SETX: variants seen among roughly 807,000 people sequenced by gnomAD.
SETX encodes senataxin.
In SETX, 90 loss-of-function variants were observed where a neutral mutation model predicts 227.2. That is an observed-to-expected ratio of 0.40 (90% CI 0.33 to 0.47). The LOEUF is 0.47. Ranked by LOEUF, SETX falls within the 20% of genes least tolerant of loss-of-function variation. The pLI is 0.91. For synonymous variants in SETX, 1,210 were observed against 1,113.2 expected (o/e 1.09, Z -1.73); for missense variants, 3,052 against 3,181.5 (o/e 0.96, Z 0.98).
rs113997459 is a variant in SETX, at chr9:132,329,630, T to C, written c.1968A>G (p.Val656=). The C allele has an allele frequency of 1.1e-3, 1,810 of 1,613,834 alleles. 16 individuals carry two copies. The African/African-American group carries it at 0.021, about 19-fold the overall frequency. Residue 656 remains valine (V), a synonymous_variant, in exon 10 of 26, where the codon GTA becomes GTG. Coordinates refer to ENST00000224140, the MANE Select transcript of SETX (RefSeq NM_015046.7). ...SKEPMKVQDS[V]LIKADNTIEG... is the part of the protein sequence containing the mutation. ...CTATAGTGTTATCTGCTTTGATCAA[T>C]ACACTGTCTTGCACTTTCATTGGTT...
intron 10 of SETX, among the ~76,000 whole-genome samples, chr9:132,324,045 C>CT: frequency 6.6e-6 from 1 of 152,244 alleles, no homozygotes; most frequent in South Asian, 2.1e-4. Context: ...ATTTTAAACT[C>CT]TGTATATGTA....
intron 12 of SETX, 136 bp downstream of exon 12, chr9:132,300,494 A>G: frequency 1.1e-6 from 1 of 875,542 alleles, no homozygotes; most frequent in Non-Finnish European, 1.9e-6. Flanking sequence ...GAGACTCTGA[A>G]TGGCCATGTA....
intron 3 of SETX, 98 bp from the exon 4 acceptor site, chr9:132,346,569 T>C: frequency 3.6e-6 from 3 of 836,832 alleles, no homozygotes; most frequent in Non-Finnish European, 5.8e-6. Context: ...AGTACAAAAA[T>C]TCTGAAATGT....
chr9:132,335,178 C>G (rs1380191916), intron 6 of SETX, among the ~76,000 whole-genome samples: 1 of 151,870 alleles, frequency 6.6e-6, no homozygotes, highest in East Asian at 2.0e-4. Flanking sequence ...ATCACAAAGT[C>G]AGGAGATCGA....
At chr9:132,269,827 C>A in intron 24 of SETX, 125 bp from the exon 25 acceptor site, 1 of 954,952 alleles carries the variant, frequency 1.0e-6, no homozygotes, top group Non-Finnish European at 1.7e-6. Context: ...TTGAATGACT[C>A]AGTGAGCCCG....
At chr9:132,342,590 C>T (rs1589774711) in intron 5 of SETX, 100 bp downstream of exon 5, 1 of 957,292 alleles carries the variant, frequency 1.0e-6, no homozygotes, top group East Asian at 2.4e-5. Context: ...AAAATTTTAG[C>T]AAACATTTTA....
chr9:132,335,390 CAAAAAAAAAAA>C (rs1157691529), intron 6 of SETX, among the ~76,000 whole-genome samples: 1 of 51,992 alleles, frequency 1.9e-5, no homozygotes, highest in Non-Finnish European at 3.2e-5. Flanking sequence ...GACTCCGTCT[CAAAAAAAAAAA>C]AAAAAAAAAA....
In SETX at chr9:132,296,765, TAAAA is replaced by T. The variant is rs1465985294; in HGVS notation, c.5949+118_5949+121del. The T allele has an allele frequency of 4.3e-6, 4 of 928,124 alleles. No individual in the cohort carries two copies. In the Admixed American group the frequency reaches 8.5e-5, roughly 20 times the overall value. 57.5% of individuals were successfully genotyped at this position (928,124 alleles called of 1,614,324 possible). ...TTCTCTGACACAGTTACACACAATATAAAAAATATATACAAATCAAAGAGGAAAT... is the reference window on the plus strand; with the variant it reads ...TTCTCTGACACAGTTACACACAATATAATATATACAAATCAAAGAGGAAAT... On this transcript the variant is annotated intron_variant, in intron 14 of 25. Transcript: ENST00000224140.
chr9:132,331,471 T>C (rs757961031), intron 7 of SETX, 23 bp from the exon 8 acceptor site: 13 of 1,611,568 alleles, frequency 8.1e-6, no homozygotes, highest in Non-Finnish European at 6.8e-6. Context: ...GGCACAATCG[T>C]TGAATTACTA....
intron 25 of SETX, among the ~76,000 whole-genome samples, chr9:132,267,968 C>G (rs750876665): frequency 7.2e-5 from 11 of 152,160 alleles, no homozygotes; most frequent in Admixed American, 1.3e-4. Context: ...CAAGGCATCA[C>G]TAAAAGATGT....
chr9:132,321,813 A>T (rs1206539322), intron 10 of SETX, among the ~76,000 whole-genome samples: 1 of 152,066 alleles, frequency 6.6e-6, no homozygotes, highest in African/African-American at 2.4e-5. Context: ...GTGCCACTGC[A>T]CTCCAGCCTG....
intron 1 of SETX, among the ~76,000 whole-genome samples, chr9:132,354,397 G>A (rs1054285240): frequency 2.0e-5 from 3 of 151,424 alleles, no homozygotes; most frequent in Non-Finnish European, 4.4e-5. Context: ...TCGGGGGGAT[G>A]AGGCGGAAGG....
At chr9:132,319,655 G>A (rs777824718) in intron 10 of SETX, among the ~76,000 whole-genome samples, 1 of 152,160 alleles carries the variant, frequency 6.6e-6, no homozygotes, top group African/African-American at 2.4e-5. Context: ...CAGGTCTCAA[G>A]AGCAGCCTCC....
intron 14 of SETX, 127 bp downstream of exon 14, chr9:132,296,760 C>T (rs904278020): frequency 1.8e-5 from 16 of 893,028 alleles, no homozygotes; most frequent in Non-Finnish European, 2.8e-5. Context: ...CAGTTACACA[C>T]AATATAAAAA....
chr9:132,305,075 C>G (rs368712226), intron 11 of SETX, among the ~76,000 whole-genome samples: 1 of 151,888 alleles, frequency 6.6e-6, no homozygotes, highest in South Asian at 2.1e-4. Context: ...TTGGGCCAGG[C>G]GCAGTGGCTC....
At chr9:132,288,529 T>A (rs112569995) in intron 16 of SETX, 21 bp downstream of exon 16, 22 of 1,565,040 alleles carry the variant, frequency 1.4e-5, no homozygotes, top group African/African-American at 1.1e-4. Context: ...AACACTAGTA[T>A]ATACCACATT....
rs112089123 is a variant in SETX, at chr9:132,326,938, A to C, written c.4660T>G (p.Cys1554Gly). The change falls in exon 10 of 26, where the codon TGT becomes GGT. Residue 1554 changes from cysteine (C) to glycine (G), a missense_variant. By Grantham distance (159) the Cys-to-Gly change is radical. Transcript: ENST00000224140. Reference protein sequence around the residue: ...LSGTKCKYKDCLETTKNQGEY... With the variant: ...LSGTKCKYKDGLETTKNQGEY... ...CCCTGGTTTTTTGTGGTTTCAAGAC[A>C]ATCTTTGTACTTACACTTTGTGCCA... 7,279 of 1,614,194 alleles carry C rather than the reference A, an allele frequency of 4.5e-3. 58 individuals are homozygous for C. The highest frequency in any genetic ancestry group is 0.021 in the South Asian group (1,905 of 91,084).
chr9:132,327,178 G>A lies in SETX; in HGVS notation c.4420C>T (p.His1474Tyr). ...TCTTTCAAAGCTGCCATCTCTATAT[G>A]ACGTGCTGTTGGATCACCTCCACCC... is the stretch of plus-strand genomic sequence containing the variant. The part of the protein sequence containing the change: ...PLGGGDPTAR[H>Y]IEMAALKEGE... The change falls in exon 10 of 26, where the codon CAT (histidine) becomes TAT (tyrosine). Residue 1474 changes from histidine to tyrosine, a missense_variant. Around this residue, in one of 10 missense-constraint regions of SETX, gnomAD observed 1,483 missense variants for 1,312.0 expected, o/e 1.13. Coordinates refer to ENST00000224140, the MANE Select transcript of SETX (RefSeq NM_015046.7). The A allele has an allele frequency of 6.2e-7, 1 of 1,614,122 alleles. No individual in the cohort carries two copies. The highest frequency in any genetic ancestry group is 1.1e-5 in the South Asian group (1 of 91,090).
At position 132,278,277 on chromosome 9, in the gene SETX, G is replaced by C. The variant is rs758273659; in HGVS notation, c.6655-20C>G. 6.2e-7 allele frequency: 1 copy of C among 1,612,624 alleles called. No individual in the cohort carries two copies. The highest frequency in any genetic ancestry group is 1.1e-5 in the South Asian group (1 of 91,042). ...TGCTTTCTGTGAGGGGCAAAATAAAGCAACAGTTTCCAAGAATTCATTTAT... is the reference window on the plus strand; with the variant it reads ...TGCTTTCTGTGAGGGGCAAAATAAACCAACAGTTTCCAAGAATTCATTTAT... On this transcript the variant is annotated intron_variant, in intron 20 of 25. Coordinates refer to ENST00000224140, the MANE Select transcript of SETX (RefSeq NM_015046.7).
Sources: allele counts gnomAD v4.1 joint callset (sites outside exome capture counted in the v4.1 genomes callset), GRCh38; gene constraint gnomAD v4.1.1; regional missense constraint gnomAD v4.1.1; transcripts MANE v1.5; gene names NCBI Gene and HGNC (gene_info 2026-07-23, HGNC 2026-07-21).